The following AIDA variants were observed in gnomAD, a reference collection of about 807,000 sequenced individuals.
AIDA encodes the protein axin interactor, dorsalization associated.
Under a neutral mutation model 42.7 loss-of-function variants are expected in AIDA, and 18 were observed. That is an observed-to-expected ratio of 0.42 (90% confidence interval 0.29 to 0.63). The LOEUF (loss-of-function observed/expected upper bound fraction) is 0.63, where lower values mean the gene tolerates loss of function less well. Ranked by LOEUF, AIDA falls within the 20% of genes least tolerant of loss-of-function variation. AIDA has a pLI of 0.19. For missense variants in AIDA, 250 were observed against 354.1 expected, an observed-to-expected ratio of 0.71 and a Z score of 2.36; for synonymous variants, 104 against 122.9, an observed-to-expected ratio of 0.85 and a Z score of 1.02.
In AIDA at chr1:222,712,079, C is replaced by T. The variant is rs1200674911; in HGVS notation, c.110+129G>A. On this transcript the variant is annotated intron_variant, in intron 1 of 9. Transcript: ENST00000340020. ...GGGGCTGGTGGCGAGGGATCTCAGC[C>T]CCAGTGCCTGCGGAGCCCCACCCTG... 5 of 1,417,210 alleles carry T rather than the reference C, an allele frequency of 3.5e-6. No individual in the cohort carries two copies. The Admixed American group carries it at 1.1e-4, about 30-fold the overall frequency. 87.8% of individuals were successfully genotyped at this position (1,417,210 alleles called of 1,614,324 possible).
rs772052999 is a variant in AIDA, at chr1:222,693,773, A to G, written c.289+16T>C. 1.9e-6 allele frequency: 3 copies of G among 1,593,622 alleles called. No homozygotes were observed. The highest frequency in any genetic ancestry group is 1.7e-6 in the Non-Finnish European group (2 of 1,164,590). On this transcript the variant is annotated intron_variant, in intron 4 of 9. Transcript: ENST00000340020. Reference sequence around the variant, plus strand: ...TTCCAAAGGAGTATCACAAAAAAATATAAACTTAAACTTACTTGGTTCTAG... The same window carrying G: ...TTCCAAAGGAGTATCACAAAAAAATGTAAACTTAAACTTACTTGGTTCTAG...
chr1:222,701,634 TTATTTTCCA>T (rs551689986), intron 2 of AIDA, among the ~76,000 whole-genome samples: 102 of 152,330 alleles, frequency 6.7e-4, no homozygotes, highest in Middle Eastern at 3.4e-3. Context: ...ACTGTGGTCA[TTATTTTCCA>T]GGGCTAAAAT....
chr1:222,693,688 CA>C (rs1655436520), intron 4 of AIDA, 100 bp downstream of exon 4: 1 of 1,006,866 alleles, frequency 9.9e-7, no homozygotes, highest in African/African-American at 1.6e-5. Flanking sequence ...TAGATATTAA[CA>C]GAAATAAATC....
intron 6 of AIDA, among the ~76,000 whole-genome samples, chr1:222,680,233 T>G (rs1310263430): frequency 3.9e-5 from 6 of 152,210 alleles, no homozygotes; most frequent in African/African-American, 1.4e-4. Flanking sequence ...TTATGTTCAC[T>G]TGACTTGGTC....
intron 1 of AIDA, 138 bp from the exon 2 acceptor site, chr1:222,703,355 ATTC>A: frequency 1.9e-6 from 1 of 526,940 alleles, no homozygotes; most frequent in Admixed American, 4.1e-5. Context: ...TGAGAACCAA[ATTC>A]TTCTCAAAAA....
At chr1:222,689,258 T>G (rs1022431398) in intron 4 of AIDA, among the ~76,000 whole-genome samples, 20 of 150,898 alleles carry the variant, frequency 1.3e-4, no homozygotes, top group African/African-American at 4.6e-4. Context: ...GCCAACACAG[T>G]GAAACCCCAT....
chr1:222,677,726 G>A (rs1363751840), intron 6 of AIDA, among the ~76,000 whole-genome samples: 1 of 151,778 alleles, frequency 6.6e-6, no homozygotes, highest in Non-Finnish European at 1.5e-5. Flanking sequence ...GTATCTTGCT[G>A]ATTTAACAAT....
intron 6 of AIDA, 85 bp from the exon 7 acceptor site, chr1:222,676,303 T>C (rs1193686776): frequency 4.3e-6 from 6 of 1,405,272 alleles, no homozygotes; most frequent in African/African-American, 1.5e-5. Context: ...CAGCCTTGCT[T>C]GTAACTGACT....
intron 2 of AIDA, among the ~76,000 whole-genome samples, chr1:222,695,966 T>C (rs1655508833): frequency 6.6e-6 from 1 of 152,136 alleles, no homozygotes; most frequent in Admixed American, 6.5e-5. Context: ...CTTATGCAAC[T>C]ACCACATCTA....
chr1:222,676,312 C>T, intron 6 of AIDA, 94 bp from the exon 7 acceptor site: 4 of 1,352,388 alleles, frequency 3.0e-6, no homozygotes, highest in South Asian at 1.8e-5. Context: ...TTGTAACTGA[C>T]TTAGTAACTA....
chr1:222,712,302 G>T lies in AIDA; in HGVS notation c.16C>A (p.Arg6=). MSEVT[R]SLLQRWGASF... Reference sequence around the variant, plus strand: ...GCGCCCCAGCGCTGCAGCAGACTCCGGGTCACCTCCGACATGGCCGGTCCC... The same window carrying T: ...GCGCCCCAGCGCTGCAGCAGACTCCTGGTCACCTCCGACATGGCCGGTCCC... The change falls in exon 1 of 10, where the codon CGG becomes AGG. Residue 6 remains arginine (R), a synonymous_variant. Coordinates refer to ENST00000340020, the MANE Select transcript of AIDA (RefSeq NM_022831.4). 6.4e-7 allele frequency: 1 copy of T among 1,568,690 alleles called. No individual in the cohort carries two copies. The highest frequency in any genetic ancestry group is 1.2e-5 in the South Asian group (1 of 86,032).
chr1:222,708,152 T>TA (rs1232945260), intron 1 of AIDA, among the ~76,000 whole-genome samples: 4 of 150,482 alleles, frequency 2.7e-5, no homozygotes, highest in Middle Eastern at 3.4e-3. Flanking sequence ...CTACTAAAAA[T>TA]AAAAAAAAAT....
At chr1:222,688,601 TA>T (rs1189050449) in intron 4 of AIDA, among the ~76,000 whole-genome samples, 21 of 151,370 alleles carry the variant, frequency 1.4e-4, no homozygotes, top group African/African-American at 4.9e-4. Flanking sequence ...AAAAAAAAGT[TA>T]ATTTTTTTTT....
chr1:222,710,901 G>A (rs1004125121), intron 1 of AIDA, among the ~76,000 whole-genome samples: 5 of 152,140 alleles, frequency 3.3e-5, no homozygotes, highest in African/African-American at 1.2e-4. Flanking sequence ...GTTACACATC[G>A]CAAAATGGCT....
At position 222,712,195 on chromosome 1, in the gene AIDA, G is replaced by C. The variant is rs1264004168; in HGVS notation, c.110+13C>G. 2 of 1,593,364 alleles carry C rather than the reference G, an allele frequency of 1.3e-6. No homozygotes were observed. Among genetic ancestry groups the C allele is most frequent in the Admixed American group, 1.7e-5 (1 of 58,290 alleles). On this transcript the variant is annotated intron_variant, in intron 1 of 9. Coordinates refer to ENST00000340020, the MANE Select transcript of AIDA (RefSeq NM_022831.4). The stretch of plus-strand genomic sequence containing the variant: ...GGAGCCGGTCTGGCCTGCTCCCGCG[G>C]TTAGTCACTCACATCTGATACTCGT...
At chr1:222,694,082 A>C in intron 3 of AIDA, 128 bp downstream of exon 3, 2 of 905,360 alleles carry the variant, frequency 2.2e-6, no homozygotes, top group Non-Finnish European at 3.3e-6. Flanking sequence ...AAAAAGTATG[A>C]ATTTAATAGA....
intron 7 of AIDA, among the ~76,000 whole-genome samples, chr1:222,675,530 C>T (rs1406176194): frequency 6.6e-6 from 1 of 152,214 alleles, no homozygotes; most frequent in African/African-American, 2.4e-5. Context: ...AAATACTTCA[C>T]TTGTTGAATG....
At position 222,669,921 on chromosome 1, in the gene AIDA, T is replaced by C. The variant is rs1482139967; in HGVS notation, c.893A>G (p.His298Arg). The C allele has an allele frequency of 6.2e-7, 1 of 1,612,396 alleles. No individual in the cohort carries two copies. Among genetic ancestry groups the C allele is most frequent in the African/African-American group, 1.3e-5 (1 of 74,794 alleles). Residue 298 changes from histidine (H) to arginine (R), a missense_variant, in exon 10 of 10, where the codon CAT becomes CGT. His to Arg is a conservative substitution (Grantham distance 29). Transcript: ENST00000340020. ...TTCCTTGTGCAAAGTTTGATGTAGA[T>C]GAAGATAAAGTGGTTTCTTGGTCAA... Reference protein sequence around the residue: ...QLLTKKPLYLHLHQTLHKE With the variant: ...QLLTKKPLYLRLHQTLHKE
intron 7 of AIDA, among the ~76,000 whole-genome samples, chr1:222,673,852 G>A (rs1242049643): frequency 2.0e-5 from 3 of 152,090 alleles, no homozygotes; most frequent in Non-Finnish European, 4.4e-5. Context: ...GGGAGGCTGA[G>A]GCGGGTGGAT....
Sources: gnomAD v4.1 joint callset for allele counts (sites outside exome capture counted in the v4.1 genomes callset) on GRCh38, gnomAD v4.1.1 for gene constraint, MANE v1.5 for transcripts, NCBI Gene and HGNC (gene_info 2026-07-23, HGNC 2026-07-21) for gene names.